The following TTC39B variants were observed in gnomAD, a reference collection of about 807,000 sequenced individuals.
The protein encoded by TTC39B is tetratricopeptide repeat domain 39B.
TTC39B carries 92 observed loss-of-function variants against 96.6 expected under a neutral mutation model. The ratio of observed to expected loss-of-function variants is 0.95; its 90% CI spans 0.80 to 1.13. The LOEUF (loss-of-function observed/expected upper bound fraction) is 1.13. Ranked by LOEUF, TTC39B falls within the 50% of genes most tolerant of loss-of-function variation. TTC39B has a pLI of 0.00. For synonymous variants in TTC39B, 367 were observed against 299.4 expected, an observed-to-expected ratio of 1.23 and a Z score of -2.33; for missense variants, 955 against 809.3, an observed-to-expected ratio of 1.18 and a Z score of -2.18.
intron 2 of TTC39B, among the ~76,000 whole-genome samples, chr9:15,233,622 T>G (rs1263348228): frequency 6.6e-6 from 1 of 152,136 alleles, no homozygotes; most frequent in Non-Finnish European, 1.5e-5. Context: ...CCTCCCGAGG[T>G]GCCGGGATTG....
At chr9:15,243,753 A>AT (rs796867176) in intron 2 of TTC39B, among the ~76,000 whole-genome samples, 4 of 152,306 alleles carry the variant, frequency 2.6e-5, no homozygotes, top group African/African-American at 9.6e-5. Flanking sequence ...CTACAAAAAA[A>AT]TAAAAAATTG....
At chr9:15,285,124 G>T (rs1340489037) in intron 1 of TTC39B, among the ~76,000 whole-genome samples, 1 of 152,018 alleles carries the variant, frequency 6.6e-6, no homozygotes, top group Non-Finnish European at 1.5e-5. Flanking sequence ...AATCAGCCGG[G>T]CGTGGTGGCG....
chr9:15,229,029 C>T (rs563736355), intron 2 of TTC39B, among the ~76,000 whole-genome samples: 1 of 152,246 alleles, frequency 6.6e-6, no homozygotes, highest in African/African-American at 2.4e-5. Context: ...ATGCCACAAA[C>T]TAATTTTTTT....
intron 3 of TTC39B, 140 bp from the exon 4 acceptor site, chr9:15,214,389 G>A (rs932787445): frequency 2.1e-5 from 13 of 627,338 alleles, no homozygotes; most frequent in Non-Finnish European, 2.2e-5. Flanking sequence ...TGTGGATTCT[G>A]GAGACAGGAC....
chr9:15,181,819 T>C (rs969652821), intron 17 of TTC39B, among the ~76,000 whole-genome samples: 9 of 152,194 alleles, frequency 5.9e-5, no homozygotes, highest in African/African-American at 2.2e-4. Context: ...TTTGTCATAG[T>C]TTTAAGATAC....
intron 16 of TTC39B, 72 bp from the exon 17 acceptor site, chr9:15,182,487 T>C: frequency 3.9e-6 from 4 of 1,032,644 alleles, no homozygotes; most frequent in Admixed American, 4.8e-5. Flanking sequence ...CCCCAAACAA[T>C]GTTCATGTGT....
intron 4 of TTC39B, among the ~76,000 whole-genome samples, chr9:15,213,451 C>G (rs1376990993): frequency 6.6e-6 from 1 of 152,200 alleles, no homozygotes; most frequent in Non-Finnish European, 1.5e-5. Context: ...GTCAATCAAT[C>G]TCTAAGATTC....
intron 2 of TTC39B, among the ~76,000 whole-genome samples, chr9:15,251,004 T>C (rs1822511533): frequency 6.6e-6 from 1 of 151,848 alleles, no homozygotes; most frequent in Non-Finnish European, 1.5e-5. Flanking sequence ...CACACCAGCC[T>C]GGCCAATATG....
chr9:15,248,733 G>A (rs1022845911), intron 2 of TTC39B, among the ~76,000 whole-genome samples: 1 of 151,998 alleles, frequency 6.6e-6, no homozygotes, highest in Non-Finnish European at 1.5e-5. Context: ...CTGCATTTAG[G>A]TATGACAAAA....
chr9:15,211,782 T>A (rs768959021), intron 4 of TTC39B, among the ~76,000 whole-genome samples: 1 of 152,242 alleles, frequency 6.6e-6, no homozygotes, highest in Non-Finnish European at 1.5e-5. Flanking sequence ...GAGATTCTGA[T>A]ATATTTTTTC....
Position 15,188,088 on chromosome 9 carries a change from C to T in TTC39B, c.1278G>A (p.Trp426Ter). Reference sequence around the variant, plus strand: ...AGTAGCAGAGATGGTGAAACTGTTTCCATTCTTCTTGAACTGAAATGCATT... The same window carrying T: ...AGTAGCAGAGATGGTGAAACTGTTTTCATTCTTCTTGAACTGAAATGCATT... The change falls in exon 14 of 20, where the codon TGG (tryptophan) becomes TGA (stop). Residue 426 changes from tryptophan to a stop codon, truncating the protein, a stop_gained. Transcript: ENST00000512701. LOFTEE classifies it high-confidence loss of function. The T allele has an allele frequency of 6.2e-7, 1 of 1,609,184 alleles. No homozygotes were observed. The highest frequency in any genetic ancestry group is 8.5e-7 in the Non-Finnish European group (1 of 1,178,084).
chr9:15,302,631 G>A (rs1349708260), intron 1 of TTC39B, among the ~76,000 whole-genome samples: 6 of 150,656 alleles, frequency 4.0e-5, no homozygotes, highest in African/African-American at 1.5e-4. Flanking sequence ...ATCACCTGAG[G>A]TCAGGAGTTC....
At chr9:15,225,789 G>T (rs934157286) in intron 3 of TTC39B, 128 bp downstream of exon 3, 3 of 665,748 alleles carry the variant, frequency 4.5e-6, no homozygotes, top group Admixed American at 6.5e-5. Flanking sequence ...CACTCTACTT[G>T]CCTAGGCCTC....
At chr9:15,204,530 A>C (rs1473020052) in intron 6 of TTC39B, among the ~76,000 whole-genome samples, 1 of 149,434 alleles carries the variant, frequency 6.7e-6, no homozygotes, top group Admixed American at 6.6e-5. Context: ...ACTCCATCTC[A>C]AAAAGAAAAA....
At chr9:15,304,230 T>A (rs1824686121) in intron 1 of TTC39B, among the ~76,000 whole-genome samples, 1 of 152,204 alleles carries the variant, frequency 6.6e-6, no homozygotes, top group South Asian at 2.1e-4. Context: ...CATCTCTACG[T>A]TATAAATTTG....
rs143161670 is a variant in TTC39B at position 15,193,056 on chromosome 9, C to G, written c.825-361G>C. ...AGCGCTCAGCTCCTCCACCACTGCA[C>G]ACACTGCAGCAACCTGAGGAAATGA... On this transcript the variant is annotated intron_variant, in intron 8 of 19. Coordinates refer to ENST00000512701, the Ensembl canonical transcript of TTC39B. Among the ~76,000 whole-genome samples the G allele has an allele frequency of 1.8e-3, 278 of 152,338 alleles. 1 individual carries two copies. The highest frequency in any genetic ancestry group is 6.6e-3 in the African/African-American group (273 of 41,568).
chr9:15,226,050 T>A (rs1249360787), intron 2 of TTC39B, 38 bp from the exon 3 acceptor site: 2 of 1,595,816 alleles, frequency 1.3e-6, no homozygotes, highest in Admixed American at 1.7e-5. Context: ...TTTTTATTTC[T>A]TTGTCCTGTG....
chr9:15,293,993 G>A (rs933179134), intron 1 of TTC39B, among the ~76,000 whole-genome samples: 2 of 152,170 alleles, frequency 1.3e-5, no homozygotes, highest in Non-Finnish European at 2.9e-5. Context: ...TGCAGTCTCC[G>A]AGCCTGCTCT....
chr9:15,283,363 G>T (rs544059439), intron 1 of TTC39B, among the ~76,000 whole-genome samples: 2 of 152,288 alleles, frequency 1.3e-5, no homozygotes, highest in South Asian at 2.1e-4. Flanking sequence ...ATAATATTTT[G>T]TAAGCATGTC....
Sources: gnomAD v4.1 joint callset for allele counts (sites outside exome capture counted in the v4.1 genomes callset) on GRCh38, gnomAD v4.1.1 for gene constraint, MANE v1.5 for transcripts, NCBI Gene and HGNC (gene_info 2026-07-23, HGNC 2026-07-21) for gene names.